Variants in BSDC1 observed in about 807,000 individuals in gnomAD.
The protein encoded by BSDC1 is BSD domain containing 1, also known as BSD domain-containing protein 1.
BSDC1 carries 29 observed loss-of-function variants against 56.0 expected under a neutral mutation model. The observed-to-expected ratio is 0.52, with a 90% CI of 0.39 to 0.71. The LOEUF (loss-of-function observed/expected upper bound fraction) is 0.71. Ranked by LOEUF, BSDC1 falls within the 30% of genes least tolerant of loss-of-function variation. The pLI is 0.00. For missense variants in BSDC1, 477 were observed against 548.5 expected, an observed-to-expected ratio of 0.87 and a Z score of 1.30; for synonymous variants, 210 against 215.3, an observed-to-expected ratio of 0.98 and a Z score of 0.21.
At chr1:32,370,378 G>A (rs990036289) in intron 9 of BSDC1, among the ~76,000 whole-genome samples, 1 of 152,110 alleles carries the variant, frequency 6.6e-6, no homozygotes, top group Non-Finnish European at 1.5e-5. Context: ...TAGAATATAA[G>A]CCCTGTGAGT....
intron 8 of BSDC1, among the ~76,000 whole-genome samples, chr1:32,377,280 G>C (rs1642326364): frequency 6.6e-6 from 1 of 152,202 alleles, no homozygotes; most frequent in South Asian, 2.1e-4. Context: ...CAGTCCAAGG[G>C]GCTGTTATGG....
chr1:32,386,515 CTG>C (rs1642677575), intron 3 of BSDC1: 2 of 357,154 alleles, frequency 5.6e-6, no homozygotes, highest in African/African-American at 2.1e-5. Context: ...TTTCACTTGT[CTG>C]TGTTTTCTAA....
At chr1:32,367,031 C>T (rs1452134265) in intron 10 of BSDC1, 14 of 1,017,438 alleles carry the variant, frequency 1.4e-5, no homozygotes, top group Middle Eastern at 4.8e-4. Flanking sequence ...GAGGCCTGAG[C>T]AGATACTTGG....
At chr1:32,374,857 C>T (rs1019022911) in intron 9 of BSDC1, 1 of 152,276 alleles carries the variant, frequency 6.6e-6, no homozygotes, top group African/African-American at 2.4e-5. Context: ...TCATAAAGAA[C>T]AGGTAGGAGC....
intron 2 of BSDC1, among the ~76,000 whole-genome samples, chr1:32,391,391 G>A (rs971021372): frequency 6.6e-6 from 1 of 152,156 alleles, no homozygotes; most frequent in African/African-American, 2.4e-5. Flanking sequence ...GGATAAAGCG[G>A]CTGAATAGGG....
chr1:32,368,686 G>A, intron 9 of BSDC1, 136 bp from the exon 10 acceptor site: 1 of 1,297,504 alleles, frequency 7.7e-7, no homozygotes, highest in African/African-American at 1.5e-5. Flanking sequence ...GTTCACTCTG[G>A]CGCACCAATC....
chr1:32,376,674 T>C lies in BSDC1; in HGVS notation c.744A>G (p.Thr248=), dbSNP rs1325870196. 11 of 1,415,218 alleles carry C rather than the reference T, an allele frequency of 7.8e-6. No individual in the cohort carries two copies. Among genetic ancestry groups the C allele is most frequent in the South Asian group, 1.9e-5 (1 of 52,628 alleles). The allele number at this position is 1,415,218 out of a possible 1,614,324, so 87.7% of individuals were successfully genotyped here. Residue 248 remains threonine (T), a synonymous_variant, in exon 9 of 11, where the codon ACA becomes ACG. Transcript: ENST00000455895. ...EAKVPVAKIS[T]FPEGEPGPQS... is the part of the protein sequence containing the mutation. ...GGGGGCCAGGTTCTCCTTCAGGGAA[T>C]GTAGAAATTTTGGCCACAGGAACCT...
rs144703195 is a variant in BSDC1, at chr1:32,378,013, C to T, written c.633G>A (p.Ala211=). 1.4e-4 allele frequency: 223 copies of T among 1,613,388 alleles called. 1 individual carries two copies. The African/African-American group carries it at 2.2e-3, about 16-fold the overall frequency. The change falls in exon 8 of 11, where the codon GCG becomes GCA. Residue 211 remains alanine, a synonymous_variant. Coordinates refer to ENST00000455895, the MANE Select transcript of BSDC1 (RefSeq NM_018045.8). This position sits in a 1 kb window ranked among gnomAD's most constrained non-coding sequence, Gnocchi z 5.2. ...CGGGCTCTTCAGAGATGCTCTGTTC[C>T]GCCCGCTGCTTCAGGGCGTCCCTCC... ...QARRDALKQR[A]EQSISEEPGW... is the part of the protein sequence containing the mutation.
At chr1:32,367,006 A>C in intron 10 of BSDC1, 1 of 1,045,306 alleles carries the variant, frequency 9.6e-7, no homozygotes, top group Non-Finnish European at 1.2e-6. Flanking sequence ...TGGCTCTGAG[A>C]AGCAGAGAAC....
intron 2 of BSDC1, among the ~76,000 whole-genome samples, chr1:32,390,543 AATGACTTTGGGCACGCAGAACTTGAG>A (rs1642829776): frequency 6.6e-6 from 1 of 152,312 alleles, no homozygotes; most frequent in East Asian, 1.9e-4. Flanking sequence ...AGGTGGTAAC[AATGACTTTGGGCACGCAGAACTTGAG>A]ATGACTGTGG....
Position 32,394,083 on chromosome 1 carries a change from C to G in BSDC1, c.69G>C (p.Glu23Asp), listed in dbSNP as rs761138858. 1 of 1,608,722 alleles carries G rather than the reference C, an allele frequency of 6.2e-7. No homozygotes were observed. Among genetic ancestry groups the G allele is most frequent in the African/African-American group, 1.3e-5 (1 of 74,828 alleles). Residue 23 changes from glutamate (E) to aspartate (D), a missense_variant, in exon 2 of 11, where the codon GAG (glutamate) becomes GAC (aspartate). Physicochemically the swap from Glu to Asp is conservative, Grantham distance 45 (BLOSUM62 2). Coordinates refer to ENST00000455895, the MANE Select transcript of BSDC1 (RefSeq NM_018045.8). ...GAAGGGCACGGGCCCGGCTTACCTT[C>G]TCTTTGACTGCTTGGTAGCTCTGCT... ...WLQQSYQAVK[E>D]KSSEALEFMK...
chr1:32,377,159 T>C (rs572909744), intron 8 of BSDC1, among the ~76,000 whole-genome samples: 4 of 151,510 alleles, frequency 2.6e-5, no homozygotes, highest in African/African-American at 7.3e-5. Context: ...AAAGACTCAA[T>C]AGTGTCATTC....
intron 8 of BSDC1, among the ~76,000 whole-genome samples, chr1:32,377,383 TTTAACTTACTC>T (rs1642329731): frequency 2.6e-5 from 4 of 152,284 alleles, no homozygotes; most frequent in Admixed American, 2.0e-4. Flanking sequence ...CCACCTAACT[TTTAACTTACTC>T]TTAACTTACT....
At position 32,382,396 on chromosome 1, in the gene BSDC1, C is replaced by G. The variant is rs530478645; in HGVS notation, c.358-1128G>C. Among the ~76,000 whole-genome samples the G allele has an allele frequency of 2.4e-4, 36 of 149,246 alleles. No homozygotes were observed. In the South Asian group the frequency reaches 7.3e-3, roughly 30 times the overall value. ...AGGTGGGAGGAGCACCTTAGGAGAT[C>G]GAGGCTGCCATGAGCTGTGATCGCA... is the stretch of plus-strand genomic sequence containing the variant. On this transcript the variant is annotated intron_variant, in intron 4 of 10. Coordinates refer to ENST00000455895, the MANE Select transcript of BSDC1 (RefSeq NM_018045.8).
chr1:32,380,903 G>A (rs1019381791), intron 5 of BSDC1, among the ~76,000 whole-genome samples: 4 of 152,178 alleles, frequency 2.6e-5, no homozygotes, highest in African/African-American at 7.2e-5. Flanking sequence ...GGGGTTTGCT[G>A]CATGGCAGGG....
At chr1:32,385,770 A>G (rs992025039) in intron 3 of BSDC1, among the ~76,000 whole-genome samples, 1 of 152,192 alleles carries the variant, frequency 6.6e-6, no homozygotes, top group African/African-American at 2.4e-5. Flanking sequence ...CAGTAAGAAA[A>G]TAAGTTGGTA....
At chr1:32,373,121 A>G (rs1642155634) in intron 9 of BSDC1, among the ~76,000 whole-genome samples, 1 of 152,206 alleles carries the variant, frequency 6.6e-6, no homozygotes, top group Non-Finnish European at 1.5e-5. Context: ...AACAGGAAAA[A>G]GGAGTCACTT....
At chr1:32,388,934 C>T (rs1336948971) in intron 2 of BSDC1, among the ~76,000 whole-genome samples, 1 of 151,704 alleles carries the variant, frequency 6.6e-6, no homozygotes, top group Admixed American at 6.6e-5. Context: ...GCTCTCCCTG[C>T]TTTATCTCTT....
intron 3 of BSDC1, among the ~76,000 whole-genome samples, chr1:32,385,323 C>T (rs1335237841): frequency 1.3e-5 from 2 of 152,088 alleles, no homozygotes; most frequent in African/African-American, 4.8e-5. Flanking sequence ...TGAAAAACTA[C>T]CTATGGGGTA....
Sources: allele counts gnomAD v4.1 joint callset (sites outside exome capture counted in the v4.1 genomes callset), GRCh38; gene constraint gnomAD v4.1.1; non-coding constraint Gnocchi (gnomAD v3.1); transcripts MANE v1.5; gene names NCBI Gene and HGNC (gene_info 2026-07-23, HGNC 2026-07-21).